The following MMUT variants were observed in gnomAD, a reference collection of about 807,000 sequenced individuals.
MMUT encodes the protein methylmalonyl-CoA mutase.
MMUT carries 79 observed loss-of-function variants against 79.9 expected under a neutral mutation model. That is an observed-to-expected ratio of 0.99 (90% confidence interval 0.82 to 1.19). The LOEUF (loss-of-function observed/expected upper bound fraction) is 1.19, where lower values mean the gene tolerates loss of function less well. Among genes scored for constraint, MMUT ranks in the 50% most tolerant of loss-of-function variants. The pLI is 0.00. For synonymous variants in MMUT, 273 were observed against 295.7 expected (o/e 0.92, Z 0.79); for missense variants, 860 against 917.2 (o/e 0.94, Z 0.81).
chr6:49,458,173 A>G lies in MMUT; in HGVS notation c.386-115T>C. 4 of 1,057,088 alleles carry G rather than the reference A, an allele frequency of 3.8e-6. No homozygotes were observed. The South Asian group carries it at 6.2e-5, about 16-fold the overall frequency. The allele number at this position is 1,057,088 out of a possible 1,614,324, so 65.5% of individuals were successfully genotyped here. ...CATCTCATAACAGTACACTTTTATA[A>G]CAACTATTTTTATGCTCATACATGT... is the stretch of plus-strand genomic sequence containing the variant. On this transcript the variant is annotated intron_variant, in intron 2 of 12. Transcript: ENST00000274813.
At chr6:49,443,155 G>C (rs534691480) in intron 9 of MMUT, among the ~76,000 whole-genome samples, 8 of 152,120 alleles carry the variant, frequency 5.3e-5, no homozygotes, top group Non-Finnish European at 8.8e-5. Context: ...GTGGAGCAAA[G>C]CACTGACACC....
Position 49,453,582 on chromosome 6 carries a change from T to G in MMUT, c.1083+3A>C, listed in dbSNP as rs778919038. On this transcript the variant is annotated splice_donor_region_variant and intron_variant, in intron 5 of 12. Coordinates refer to ENST00000274813, the MANE Select transcript of MMUT (RefSeq NM_000255.4). ...AATTCTACATTTTAAATTATATACA[T>G]ACCTGCTCAGTAAGTGACCATCCAG... The G allele has an allele frequency of 6.3e-7, 1 of 1,590,664 alleles. No homozygotes were observed. Among genetic ancestry groups the G allele is most frequent in the Non-Finnish European group, 8.6e-7 (1 of 1,160,838 alleles).
intron 2 of MMUT, 27 bp from the exon 3 acceptor site, chr6:49,458,085 A>G (rs1369731674): frequency 6.3e-7 from 1 of 1,596,136 alleles, no homozygotes; most frequent in Non-Finnish European, 8.5e-7. Flanking sequence ...AAATAATGTA[A>G]GATTCAAGAG....
chr6:49,443,857 C>CT lies in MMUT; in HGVS notation c.1676+781dup, dbSNP rs1192608085. On this transcript the variant is annotated intron_variant, in intron 9 of 12. Coordinates refer to ENST00000274813, the MANE Select transcript of MMUT (RefSeq NM_000255.4). The stretch of plus-strand genomic sequence containing the variant: ...GATTAGATTCTGTTTTTCACTCAGC[C>CT]TTTTTTAAATGCAGGATGACAAAAG... 66 of 398,648 alleles carry CT rather than the reference C, an allele frequency of 1.7e-4. 1 individual carries two copies. In the East Asian group the frequency reaches 5.0e-3, roughly 30 times the overall value. The allele number at this position is 398,648 out of a possible 1,614,324, so 24.7% of individuals were successfully genotyped here. A position where few individuals can be genotyped will look rare whatever the true frequency, so the allele number is the denominator to read the frequency against.
chr6:49,450,441 C>G (rs1258870600), intron 6 of MMUT, among the ~76,000 whole-genome samples: 45 of 151,578 alleles, frequency 3.0e-4, no homozygotes, highest in Admixed American at 3.0e-3. Flanking sequence ...AGGTTCAGTA[C>G]CATGTAGGAA....
intron 4 of MMUT, among the ~76,000 whole-genome samples, chr6:49,454,574 C>T (rs1441515910): frequency 6.6e-6 from 1 of 152,212 alleles, no homozygotes; most frequent in African/African-American, 2.4e-5. Flanking sequence ...ACCCGAAGCA[C>T]TGGGATTACA....
chr6:49,441,749 T>G, intron 10 of MMUT, 91 bp downstream of exon 10: 39 of 1,314,454 alleles, frequency 3.0e-5, no homozygotes, highest in Non-Finnish European at 4.0e-5. Flanking sequence ...TTTTCTCAGT[T>G]GTATGTAAGG....
rs776430285 is a variant in MMUT at position 49,435,584 on chromosome 6, C to A, written c.1996G>T (p.Val666Leu). 4.3e-6 allele frequency: 7 copies of A among 1,613,878 alleles called. No individual in the cohort carries two copies. Among genetic ancestry groups the A allele is most frequent in the African/African-American group, 2.7e-5 (2 of 74,930 alleles). The change falls in exon 12 of 13, where the codon GTG becomes TTG. Residue 666 changes from valine (V) to leucine (L), a missense_variant. Coordinates refer to ENST00000274813, the MANE Select transcript of MMUT (RefSeq NM_000255.4). ...EVAQQAVDAD[V>L]HAVGISTLAA... ...AGGGTGCTTATGCCCACAGCATGCA[C>A]ATCCGCATCCACAGCCTGCTGGGCC...
intron 11 of MMUT, among the ~76,000 whole-genome samples, chr6:49,438,793 A>C (rs1767198372): frequency 6.6e-6 from 1 of 152,096 alleles, no homozygotes; most frequent in African/African-American, 2.4e-5. Flanking sequence ...CGTGGCTAGA[A>C]TATAAGCAGG....
chr6:49,450,109 T>C (rs1428489737), intron 6 of MMUT, among the ~76,000 whole-genome samples: 1 of 151,662 alleles, frequency 6.6e-6, no homozygotes, highest in Admixed American at 6.6e-5. Context: ...TGTGTGCCTG[T>C]AATCCCAGCT....
At chr6:49,434,760 C>G (rs1399848330) in intron 12 of MMUT, among the ~76,000 whole-genome samples, 1 of 152,170 alleles carries the variant, frequency 6.6e-6, no homozygotes, top group Non-Finnish European at 1.5e-5. Context: ...TTCTCCTCTA[C>G]TAAGAGGACT....
intron 1 of MMUT, among the ~76,000 whole-genome samples, chr6:49,462,480 T>G (rs1254973350): frequency 6.6e-6 from 1 of 152,222 alleles, no homozygotes; most frequent in Non-Finnish European, 1.5e-5. Flanking sequence ...CAGAAAATCA[T>G]CAAGTGGTTT....
chr6:49,437,589 G>C (rs1349469132), intron 11 of MMUT, among the ~76,000 whole-genome samples: 2 of 152,038 alleles, frequency 1.3e-5, no homozygotes, highest in Non-Finnish European at 2.9e-5. Context: ...ACTGGCTTTT[G>C]AAATTCTTAA....
intron 6 of MMUT, 55 bp downstream of exon 6, chr6:49,451,411 A>G: frequency 6.3e-7 from 1 of 1,578,888 alleles, no homozygotes; most frequent in Non-Finnish European, 8.7e-7. Context: ...AAAATCTATA[A>G]ATCTTTACAA....
chr6:49,444,619 C>T lies in MMUT; in HGVS notation c.1676+20G>A. 1 of 1,601,822 alleles carries T rather than the reference C, an allele frequency of 6.2e-7. No individual in the cohort carries two copies. On this transcript the variant is annotated intron_variant, in intron 9 of 12. Transcript: ENST00000274813. ...GTCAACTTTTAGTCTTTGGAAACCT[C>T]CAAACTTATATATCTTCACCTTGCC...
chr6:49,438,984 A>G (rs1248020758), intron 11 of MMUT, among the ~76,000 whole-genome samples: 1 of 152,094 alleles, frequency 6.6e-6, no homozygotes, highest in African/African-American at 2.4e-5. Flanking sequence ...ATGTGAGTTA[A>G]CACTTAATAA....
intron 9 of MMUT, among the ~76,000 whole-genome samples, chr6:49,442,370 A>T (rs1053024992): frequency 6.6e-6 from 1 of 152,074 alleles, no homozygotes; most frequent in Non-Finnish European, 1.5e-5. Flanking sequence ...AACTCATCCA[A>T]CATTAGCTGT....
chr6:49,433,563 G>A (rs953795194), intron 12 of MMUT, among the ~76,000 whole-genome samples: 1 of 152,176 alleles, frequency 6.6e-6, no homozygotes, highest in African/African-American at 2.4e-5. Context: ...CATGATGGAA[G>A]CAGGCATTGT....
chr6:49,451,670 TGC>T lies in MMUT; in HGVS notation c.1126_1127del (p.Ala376SerfsTer15), dbSNP rs1554159950. ...AAGACTGAGTCCCTCCAAATACTGCTGCCATTGCTTCTATTGCAGTACGGACA... is the reference window on the plus strand; with the variant it reads ...AAGACTGAGTCCCTCCAAATACTGCTCATTGCTTCTATTGCAGTACGGACA... ...NIVRTAIEAM[A>X]AVFGGTQSLH... On this transcript the variant is annotated frameshift_variant, in exon 6 of 13. Coordinates refer to ENST00000274813, the MANE Select transcript of MMUT (RefSeq NM_000255.4). LOFTEE classifies it high-confidence loss of function. The T allele has an allele frequency of 2.5e-6, 4 of 1,614,028 alleles. No homozygotes were observed. In the South Asian group the frequency reaches 4.4e-5, roughly 18 times the overall value.
Sources: gnomAD v4.1 joint callset for allele counts (sites outside exome capture counted in the v4.1 genomes callset) on GRCh38, gnomAD v4.1.1 for gene constraint, MANE v1.5 for transcripts, NCBI Gene and HGNC (gene_info 2026-07-23, HGNC 2026-07-21) for gene names.